Variants in PPME1 observed in about 807,000 individuals in gnomAD.
PPME1 encodes the protein protein phosphatase methylesterase 1.
PPME1 carries 17 observed loss-of-function variants against 56.9 expected under a neutral mutation model. The ratio of observed to expected loss-of-function variants is 0.30; its 90% CI spans 0.20 to 0.45. The LOEUF (loss-of-function observed/expected upper bound fraction) is 0.45, where lower values mean the gene tolerates loss of function less well. PPME1 is among the 20% of genes least tolerant of loss of function. PPME1 has a pLI of 1.00. For missense variants in PPME1, 357 were observed against 483.2 expected, an observed-to-expected ratio of 0.74 and a Z score of 2.45; for synonymous variants, 122 against 156.2, an observed-to-expected ratio of 0.78 and a Z score of 1.63.
intron 1 of PPME1, among the ~76,000 whole-genome samples, chr11:74,183,252 G>A (rs189911157): frequency 1.3e-4 from 20 of 152,236 alleles, no homozygotes; most frequent in East Asian, 5.8e-4. Flanking sequence ...AGCCATGATC[G>A]TGACACTGTA....
intron 11 of PPME1, chr11:74,249,108 T>G (rs1859586540): frequency 6.6e-6 from 1 of 152,222 alleles, no homozygotes; most frequent in African/African-American, 2.4e-5. Flanking sequence ...TCCTCCTGTT[T>G]CCTCAATATG....
intron 1 of PPME1, among the ~76,000 whole-genome samples, chr11:74,181,089 C>T (rs950748110): frequency 5.8e-5 from 8 of 138,842 alleles, no homozygotes; most frequent in African/African-American, 8.3e-5. Context: ...CCAGGTCGGA[C>T]TGCGGACTGC....
rs7925500 is a variant in PPME1, at chr11:74,173,357, G to T, written c.101+1835G>T. On this transcript the variant is annotated intron_variant, in intron 1 of 13. Transcript: ENST00000328257. The stretch of plus-strand genomic sequence containing the variant: ...TCTATACAAATACATAAGAAAATCA[G>T]ATTTTTAATAATTATACATTCCTTA... 3.1e-3 allele frequency among the ~76,000 whole-genome samples: 474 copies of T among 152,094 alleles called. 6 individuals are homozygous for T. Among genetic ancestry groups the T allele is most frequent in the African/African-American group, 0.011 (454 of 41,474 alleles).
chr11:74,245,963 G>A (rs949474441), intron 9 of PPME1, 113 bp from the exon 10 acceptor site: 1 of 1,237,212 alleles, frequency 8.1e-7, no homozygotes, highest in Non-Finnish European at 1.1e-6. Flanking sequence ...GACTTAGTAG[G>A]TCCTTAATAA....
intron 8 of PPME1, chr11:74,238,733 C>T (rs1310822836): frequency 6.5e-6 from 1 of 154,648 alleles, no homozygotes; most frequent in East Asian, 1.9e-4. Flanking sequence ...CAGAAAAGCA[C>T]CATGTTTTGG....
chr11:74,207,686 G>C (rs1407805519), intron 3 of PPME1, among the ~76,000 whole-genome samples: 1 of 152,272 alleles, frequency 6.6e-6, no homozygotes, highest in South Asian at 2.1e-4. Flanking sequence ...GCAAGTACTA[G>C]GTATAACAGA....
chr11:74,239,062 G>A, intron 8 of PPME1, 71 bp from the exon 9 acceptor site: 1 of 1,429,568 alleles, frequency 7.0e-7, no homozygotes, highest in South Asian at 1.3e-5. Context: ...AAGGCCGTAA[G>A]TATGAGTATC....
chr11:74,189,891 T>C (rs1857789366), intron 1 of PPME1, among the ~76,000 whole-genome samples: 1 of 152,240 alleles, frequency 6.6e-6, no homozygotes. Flanking sequence ...GTATTACTTC[T>C]CTTTAAATCT....
intron 12 of PPME1, 105 bp from the exon 13 acceptor site, chr11:74,251,543 G>A: frequency 6.6e-7 from 1 of 1,521,296 alleles, no homozygotes; most frequent in African/African-American, 1.4e-5. Flanking sequence ...CCTGTGGGTG[G>A]GATGAGGGCA....
intron 9 of PPME1, among the ~76,000 whole-genome samples, chr11:74,241,103 A>AC (rs1859345664): frequency 6.6e-6 from 1 of 152,210 alleles, no homozygotes; most frequent in South Asian, 2.1e-4. Context: ...GAGAGGGTGA[A>AC]CTGAGGCACA....
chr11:74,208,027 T>G (rs1009424825), intron 3 of PPME1, among the ~76,000 whole-genome samples: 2 of 152,152 alleles, frequency 1.3e-5, no homozygotes, highest in Non-Finnish European at 2.9e-5. Context: ...AAAATTAAAC[T>G]TCAGGGTCCG....
At position 74,225,260 on chromosome 11, in the gene PPME1, A is replaced by G. The variant is rs749664558; in HGVS notation, c.398+4A>G. ...TGTCTGCAGAAACAATGGCAAAGTAAGTAACCAAATATTTCTTATACATTG... is the reference window on the plus strand; with the variant it reads ...TGTCTGCAGAAACAATGGCAAAGTAGGTAACCAAATATTTCTTATACATTG... On this transcript the variant is annotated splice_donor_region_variant and intron_variant, in intron 5 of 13. Coordinates refer to ENST00000328257, the MANE Select transcript of PPME1 (RefSeq NM_016147.3). 7 of 1,554,550 alleles carry G rather than the reference A, an allele frequency of 4.5e-6. No homozygotes were observed. Among genetic ancestry groups the G allele is most frequent in the Non-Finnish European group, 6.1e-6 (7 of 1,141,904 alleles).
rs757579466 is a variant in PPME1 at position 74,239,121 on chromosome 11, A to T, written c.711-12A>T. The T allele has an allele frequency of 3.1e-6, 5 of 1,605,866 alleles. No homozygotes were observed. The highest frequency in any genetic ancestry group is 2.7e-5 in the African/African-American group (2 of 74,238). On this transcript the variant is annotated splice_polypyrimidine_tract_variant and intron_variant, in intron 8 of 13. Coordinates refer to ENST00000328257, the MANE Select transcript of PPME1 (RefSeq NM_016147.3). ...AAGAGGTGTGTAATAGCACTTTTTTAAAAAAACCTAGGTGTGAAGGAATTA... is the reference window on the plus strand; with the variant it reads ...AAGAGGTGTGTAATAGCACTTTTTTTAAAAAACCTAGGTGTGAAGGAATTA...
intron 3 of PPME1, among the ~76,000 whole-genome samples, chr11:74,219,816 A>G (rs1476341076): frequency 1.3e-5 from 2 of 152,158 alleles, no homozygotes; most frequent in Non-Finnish European, 1.5e-5. Context: ...ATATTTAAAT[A>G]GAATGAATAA....
chr11:74,217,106 A>G (rs1858666997), intron 3 of PPME1, among the ~76,000 whole-genome samples: 1 of 152,232 alleles, frequency 6.6e-6, no homozygotes, highest in Non-Finnish European at 1.5e-5. Flanking sequence ...GAATACTTTC[A>G]GACTCCTTCT....
At chr11:74,251,798 T>G in intron 13 of PPME1, 83 bp downstream of exon 13, 75 of 1,524,494 alleles carry the variant, frequency 4.9e-5, no homozygotes, top group Non-Finnish European at 6.0e-5. Context: ...TAAATATCTC[T>G]GCCTTACCCC....
chr11:74,226,771 C>G (rs1232558469), intron 5 of PPME1, among the ~76,000 whole-genome samples: 2 of 151,828 alleles, frequency 1.3e-5, no homozygotes, highest in Non-Finnish European at 2.9e-5. Context: ...GAAAGAGAAA[C>G]CATGTAGTAA....
intron 10 of PPME1, 21 bp from the exon 11 acceptor site, chr11:74,247,058 A>G (rs780272646): frequency 2.9e-5 from 47 of 1,602,066 alleles, no homozygotes; most frequent in Middle Eastern, 3.4e-4. Context: ...CTGTTTCACA[A>G]TGAATTCTCT....
intron 1 of PPME1, 148 bp from the exon 2 acceptor site, chr11:74,203,578 AAT>A: frequency 2.1e-6 from 1 of 474,724 alleles, no homozygotes; most frequent in Non-Finnish European, 3.7e-6. Context: ...ATACATTTTT[AAT>A]ATGATACTTT....
Sources: allele counts gnomAD v4.1 joint callset (sites outside exome capture counted in the v4.1 genomes callset), GRCh38; gene constraint gnomAD v4.1.1; transcripts MANE v1.5; gene names NCBI Gene and HGNC (gene_info 2026-07-23, HGNC 2026-07-21).